The following DUSP29 variants were observed in gnomAD, a reference collection of about 807,000 sequenced individuals.
DUSP29 encodes atypical dual-specific protein phosphatase.
A neutral mutation model predicts 13.5 loss-of-function variants in DUSP29; 12 were observed. The observed-to-expected ratio is 0.89, with a 90% confidence interval of 0.57 to 1.44. DUSP29 has a LOEUF of 1.44. Among genes scored for constraint, DUSP29 ranks in the 40% most tolerant of loss-of-function variants. The probability of loss-of-function intolerance (pLI) is 0.00; values close to 1 mark genes in which losing one functional copy is unlikely to be tolerated. For synonymous variants in DUSP29, 134 were observed against 128.7 expected, an observed-to-expected ratio of 1.04 and a Z score of -0.28; for missense variants, 308 against 301.1, an observed-to-expected ratio of 1.02 and a Z score of -0.17.
chr10:75,041,259 G>A (rs1846576845), intron 3 of DUSP29, among the ~76,000 whole-genome samples: 1 of 152,216 alleles, frequency 6.6e-6, no homozygotes, highest in South Asian at 2.1e-4. Context: ...CATTTTGTTT[G>A]GTTGCTCTGG....
At chr10:75,054,093 C>G (rs61055693) in intron 2 of DUSP29, among the ~76,000 whole-genome samples, 18,783 of 152,114 alleles carry the variant, frequency 0.12, 2,637 homozygotes, top group African/African-American at 0.35. Flanking sequence ...TTGGAGGAAG[C>G]TAGCTTCATG....
At chr10:75,054,255 C>T (rs1259480213) in intron 2 of DUSP29, among the ~76,000 whole-genome samples, 1 of 152,156 alleles carries the variant, frequency 6.6e-6, no homozygotes, top group Non-Finnish European at 1.5e-5. Flanking sequence ...TCAGTTGTAC[C>T]ATTTCTAGGG....
At position 75,044,011 on chromosome 10, in the gene DUSP29, C is replaced by G. The variant is rs377596520; in HGVS notation, c.207G>C (p.Thr69=). ...TCTGCAGCCTATAGCGGTCCAGCGC[C>G]GTCGCCCTGGGCGCAGGGGAGAGAA... The part of the protein sequence containing the change: ...WPKLYIGDEA[T]ALDRYRLQKA... Residue 69 remains threonine, a synonymous_variant, in exon 3 of 4, where the codon ACG becomes ACC. Transcript: ENST00000338487. 8.5e-5 allele frequency: 137 copies of G among 1,609,070 alleles called. No homozygotes were observed. The highest frequency in any genetic ancestry group is 1.1e-4 in the Non-Finnish European group (127 of 1,178,490).
intron 2 of DUSP29, among the ~76,000 whole-genome samples, chr10:75,049,765 C>T (rs1846788307): frequency 6.6e-6 from 1 of 152,224 alleles, no homozygotes; most frequent in Admixed American, 6.5e-5. Flanking sequence ...GACTGACTTG[C>T]CTTCACTTCA....
intron 2 of DUSP29, among the ~76,000 whole-genome samples, chr10:75,045,306 G>T (rs1020490987): frequency 6.6e-6 from 1 of 152,240 alleles, no homozygotes; most frequent in Non-Finnish European, 1.5e-5. Context: ...GGAAGTGGAG[G>T]TTGTCGTGAG....
At chr10:75,068,668 G>A (rs1262131514) in intron 1 of DUSP29, among the ~76,000 whole-genome samples, 1 of 152,162 alleles carries the variant, frequency 6.6e-6, no homozygotes, top group African/African-American at 2.4e-5. Flanking sequence ...AAGGGGGAGA[G>A]TAAAAATGTT....
chr10:75,058,909 G>A (rs1847027071), intron 1 of DUSP29, among the ~76,000 whole-genome samples: 1 of 152,172 alleles, frequency 6.6e-6, no homozygotes, highest in Non-Finnish European at 1.5e-5. Flanking sequence ...AAACCTACTG[G>A]TTTGGGCCAT....
chr10:75,037,858 T>G lies in DUSP29; in HGVS notation c.641A>C (p.Glu214Ala). 6.2e-7 allele frequency: 1 copy of G among 1,608,782 alleles called. No homozygotes were observed. Among genetic ancestry groups the G allele is most frequent in the Non-Finnish European group, 8.5e-7 (1 of 1,177,588 alleles). ...RRRSQRQDGE[E>A]EDGREL ...GGCCTACAGCTCCCTGCCATCCTCCTCCTCACCGTCCTGGCGCTGGGACCG... is the reference window on the plus strand; with the variant it reads ...GGCCTACAGCTCCCTGCCATCCTCCGCCTCACCGTCCTGGCGCTGGGACCG... Residue 214 changes from glutamate to alanine, a missense_variant, in exon 4 of 4, where the codon GAG becomes GCG. Transcript: ENST00000338487.
chr10:75,065,620 C>T lies in DUSP29; in HGVS notation c.-34-7072G>A, dbSNP rs574444696. Among the ~76,000 whole-genome samples the T allele has an allele frequency of 7.9e-5, 12 of 152,106 alleles. No homozygotes were observed. In the South Asian group the frequency reaches 1.2e-3, roughly 16 times the overall value. On this transcript the variant is annotated intron_variant, in intron 1 of 3. Transcript: ENST00000338487. ...CTGGGATTACAGGCATGAGCCACCG[C>T]GCCCAGCCATCTTAATATTTTGAAG... is the stretch of plus-strand genomic sequence containing the variant.
chr10:75,043,993 C>G lies in DUSP29; in HGVS notation c.225G>C (p.Arg75Ser), dbSNP rs768985880. ...GDEATALDRY[R>S]LQKAGFTHVL... ...CGTGCGTGAACCCCGCCTTCTGCAG[C>G]CTATAGCGGTCCAGCGCCGTCGCCC... The change falls in exon 3 of 4, where the codon AGG becomes AGC. Residue 75 changes from arginine (R) to serine (S), a missense_variant. Transcript: ENST00000338487. 1.2e-6 allele frequency: 2 copies of G among 1,611,992 alleles called. No individual in the cohort carries two copies. Among genetic ancestry groups the G allele is most frequent in the African/African-American group, 1.3e-5 (1 of 74,888 alleles).
At chr10:75,041,997 T>C (rs371719010) in intron 3 of DUSP29, among the ~76,000 whole-genome samples, 1 of 152,212 alleles carries the variant, frequency 6.6e-6, no homozygotes, top group Admixed American at 6.5e-5. Flanking sequence ...AAAGTTGGAA[T>C]GTCTTTTTTT....
intron 1 of DUSP29, among the ~76,000 whole-genome samples, chr10:75,062,755 C>T (rs751391230): frequency 8.5e-5 from 13 of 152,154 alleles, no homozygotes; most frequent in African/African-American, 1.2e-4. Context: ...GAAGGGAAGA[C>T]AAATCTGTTC....
chr10:75,059,721 A>G (rs369611412), intron 1 of DUSP29, among the ~76,000 whole-genome samples: 1 of 152,196 alleles, frequency 6.6e-6, no homozygotes, highest in African/African-American at 2.4e-5. Context: ...GAAAGGGTTC[A>G]TGGCTTCAAA....
Position 75,047,947 on chromosome 10 carries a change from C to A in DUSP29, c.201-3930G>T, listed in dbSNP as rs923943507. The stretch of plus-strand genomic sequence containing the variant: ...ATACTATATATATAAAGTTTCAAAA[C>A]CTTTGACGTGATATATTGTAAACAT... On this transcript the variant is annotated intron_variant, in intron 2 of 3. Transcript: ENST00000338487. Among the ~76,000 whole-genome samples, 4 of 152,008 alleles carry A rather than the reference C, an allele frequency of 2.6e-5. No individual in the cohort carries two copies. In the East Asian group the frequency reaches 5.8e-4, roughly 22 times the overall value.
At chr10:75,043,313 G>C (rs1470998677) in intron 3 of DUSP29, among the ~76,000 whole-genome samples, 2 of 152,216 alleles carry the variant, frequency 1.3e-5, no homozygotes, top group African/African-American at 2.4e-5. Flanking sequence ...CAAAGCCCTT[G>C]GCTACTAGTT....
chr10:75,060,329 G>A (rs1254444940), intron 1 of DUSP29, among the ~76,000 whole-genome samples: 1 of 152,068 alleles, frequency 6.6e-6, no homozygotes, highest in African/African-American at 2.4e-5. Context: ...AATTAGCTGG[G>A]TGTGGTGGTG....
Position 75,043,992 on chromosome 10 carries a change from G to T in DUSP29, c.226C>A (p.Leu76Met). 1.9e-6 allele frequency: 3 copies of T among 1,612,070 alleles called. No homozygotes were observed. The African/African-American group carries it at 4.0e-5, about 21-fold the overall frequency. Residue 76 changes from leucine (L) to methionine (M), a missense_variant, in exon 3 of 4, where the codon CTG (leucine) becomes ATG (methionine). By Grantham distance (15) the Leu-to-Met change is conservative. Coordinates refer to ENST00000338487, the MANE Select transcript of DUSP29 (RefSeq NM_001003892.3). ...DEATALDRYR[L>M]QKAGFTHVLN... Reference sequence around the variant, plus strand: ...ACGTGCGTGAACCCCGCCTTCTGCAGCCTATAGCGGTCCAGCGCCGTCGCC... The same window carrying T: ...ACGTGCGTGAACCCCGCCTTCTGCATCCTATAGCGGTCCAGCGCCGTCGCC...
intron 2 of DUSP29, 75 bp from the exon 3 acceptor site, chr10:75,044,092 G>A (rs1264407434): frequency 7.2e-7 from 1 of 1,384,102 alleles, no homozygotes; most frequent in African/African-American, 1.4e-5. Context: ...GGCCACCCAC[G>A]CTTTCCGCTG....
At chr10:75,054,444 A>G (rs1031128241) in intron 2 of DUSP29, among the ~76,000 whole-genome samples, 2 of 152,258 alleles carry the variant, frequency 1.3e-5, no homozygotes, top group Admixed American at 6.5e-5. Context: ...ATAATTAAAT[A>G]TATAAGAAGT....
Sources: gnomAD v4.1 joint callset for allele counts (sites outside exome capture counted in the v4.1 genomes callset) on GRCh38, gnomAD v4.1.1 for gene constraint, MANE v1.5 for transcripts, NCBI Gene and HGNC (gene_info 2026-07-23, HGNC 2026-07-21) for gene names.